Variants in ZNF496 observed in about 807,000 individuals in gnomAD.
ZNF496 encodes NSD1 (nuclear receptor binding SET-domain containing 1)-interacting zinc finger protein 1.
Under a neutral mutation model 58.9 loss-of-function variants are expected in ZNF496, and 11 were observed. That is an observed-to-expected ratio of 0.19 (90% CI 0.12 to 0.31). The LOEUF is 0.31. Among genes scored for constraint, ZNF496 ranks in the 10% least tolerant of loss-of-function variants. The pLI is 1.00. For missense variants in ZNF496, 660 were observed against 783.0 expected, an observed-to-expected ratio of 0.84 and a Z score of 1.88; for synonymous variants, 338 against 318.2, an observed-to-expected ratio of 1.06 and a Z score of -0.66.
intron 6 of ZNF496, among the ~76,000 whole-genome samples, chr1:247,316,566 C>A (rs1373538092): frequency 6.6e-6 from 1 of 152,154 alleles, no homozygotes; most frequent in African/African-American, 2.4e-5. Flanking sequence ...ACAGAGCCCC[C>A]ACCAGCACGA....
In ZNF496 at chr1:247,300,357, G is replaced by A. The variant is rs564634640; in HGVS notation, c.*162C>T. ...TCTTTCATTACCTGGGGGAGGGAGAGTGCTCCCATGGCACCACCCGAACGC... is the reference window on the plus strand; with the variant it reads ...TCTTTCATTACCTGGGGGAGGGAGAATGCTCCCATGGCACCACCCGAACGC... On this transcript the variant is annotated 3_prime_UTR_variant, in exon 10 of 10. Transcript: ENST00000682384. The surrounding 1 kb of genome is among the most constrained non-coding windows in gnomAD (Gnocchi z 5.7). 2 of 652,024 alleles carry A rather than the reference G, an allele frequency of 3.1e-6. No homozygotes were observed. Among genetic ancestry groups the A allele is most frequent in the Admixed American group, 3.2e-5 (1 of 30,874 alleles). 40.4% of individuals were successfully genotyped at this position (652,024 alleles called of 1,614,324 possible).
At chr1:247,307,441 G>A in intron 9 of ZNF496, 3 of 985,408 alleles carry the variant, frequency 3.0e-6, no homozygotes, top group Non-Finnish European at 3.6e-6. Context: ...TGAGAGACAT[G>A]CTATGGGCAG....
In ZNF496 at chr1:247,301,219, A is replaced by T; in HGVS notation, c.1064T>A (p.Ile355Asn). 1 of 1,541,936 alleles carries T rather than the reference A, an allele frequency of 6.5e-7. No homozygotes were observed. The highest frequency in any genetic ancestry group is 8.7e-7 in the Non-Finnish European group (1 of 1,145,280). Residue 355 changes from isoleucine (I) to asparagine (N), a missense_variant, in exon 10 of 10, where the codon ATC becomes AAC. Ile to Asn is a moderately radical substitution (Grantham distance 149, BLOSUM62 -3). Coordinates refer to ENST00000682384, the MANE Select transcript of ZNF496 (RefSeq NM_032752.3). The stretch of plus-strand genomic sequence containing the variant: ...CTCGTCCCCAGAGCTGGAGAGAACG[A>T]TCTCGATGGTCACTTCTTCATCCAG... ...NSLDEEVTIE[I>N]VLSSSGDEDS...
At chr1:247,316,580 C>T (rs986134018) in intron 6 of ZNF496, among the ~76,000 whole-genome samples, 4 of 152,172 alleles carry the variant, frequency 2.6e-5, no homozygotes, top group African/African-American at 9.7e-5. Flanking sequence ...AGCACGAACG[C>T]TCTCACCAGA....
At chr1:247,315,683 G>C (rs1399518319) in intron 6 of ZNF496, among the ~76,000 whole-genome samples, 2 of 152,122 alleles carry the variant, frequency 1.3e-5, no homozygotes, top group African/African-American at 2.4e-5. Flanking sequence ...GTGAAGGAAA[G>C]GGTATTTGGA....
chr1:247,300,858 G>A lies in ZNF496; in HGVS notation c.1425C>T (p.Asn475=), dbSNP rs1659216049. The part of the protein sequence containing the change: ...CGACGKSFRL[N]SHLLSHRRIH... Reference sequence around the variant, plus strand: ...TCCGCCGGTGGGAGAGCAGGTGGGAGTTCAGGCGGAAGCTCTTCCCGCAGG... The same window carrying A: ...TCCGCCGGTGGGAGAGCAGGTGGGAATTCAGGCGGAAGCTCTTCCCGCAGG... The change falls in exon 10 of 10, where the codon AAC becomes AAT. Residue 475 remains asparagine, a synonymous_variant. Transcript: ENST00000682384. The surrounding 1 kb of genome is among the most constrained non-coding windows in gnomAD (Gnocchi z 5.7). 2.5e-6 allele frequency: 4 copies of A among 1,610,856 alleles called. No individual in the cohort carries two copies. The African/African-American group carries it at 5.3e-5, about 22-fold the overall frequency.
intron 6 of ZNF496, among the ~76,000 whole-genome samples, chr1:247,320,638 G>T (rs1176026282): frequency 2.0e-5 from 3 of 152,200 alleles, no homozygotes; most frequent in East Asian, 3.9e-4. Flanking sequence ...TTTTACTATT[G>T]AGGGTTTAAA....
Position 247,329,671 on chromosome 1 carries a change from T to C in ZNF496, c.-37-56A>G, listed in dbSNP as rs905348234. 22 of 1,464,426 alleles carry C rather than the reference T, an allele frequency of 1.5e-5. No homozygotes were observed. The highest frequency in any genetic ancestry group is 2.8e-5 in the African/African-American group (2 of 70,604). The allele number at this position is 1,464,426 out of a possible 1,614,324, so 90.7% of individuals were successfully genotyped here. Reference sequence around the variant, plus strand: ...TGTTCTGGTCTCCTGTGGTCATTTCTGGGGGACAGTGACAAGGAAACTGTC... The same window carrying C: ...TGTTCTGGTCTCCTGTGGTCATTTCCGGGGGACAGTGACAAGGAAACTGTC... On this transcript the variant is annotated intron_variant, in intron 3 of 9. Coordinates refer to ENST00000682384, the MANE Select transcript of ZNF496 (RefSeq NM_032752.3). This position sits in a 1 kb window ranked among gnomAD's most constrained non-coding sequence, Gnocchi z 5.5.
intron 9 of ZNF496, among the ~76,000 whole-genome samples, chr1:247,305,683 CT>C (rs1659384627): frequency 6.6e-6 from 1 of 152,224 alleles, no homozygotes; most frequent in Admixed American, 6.5e-5. Flanking sequence ...TTATTAAAAA[CT>C]GTAAAATATT....
intron 6 of ZNF496, among the ~76,000 whole-genome samples, chr1:247,320,321 C>T (rs1474657462): frequency 6.6e-6 from 1 of 152,198 alleles, no homozygotes; most frequent in Non-Finnish European, 1.5e-5. Flanking sequence ...TAGTAACACG[C>T]AACAACCTGA....
At chr1:247,324,390 A>G (rs1660057533) in intron 5 of ZNF496, among the ~76,000 whole-genome samples, 1 of 152,228 alleles carries the variant, frequency 6.6e-6, no homozygotes, top group African/African-American at 2.4e-5. Context: ...CAGGAGTCCT[A>G]TTGCACAACA....
chr1:247,328,689 C>A lies in ZNF496; in HGVS notation c.568G>T (p.Asp190Tyr). Residue 190 changes from aspartate (D) to tyrosine (Y), a missense_variant, in exon 5 of 10, where the codon GAC (aspartate) becomes TAC (tyrosine). Coordinates refer to ENST00000682384, the MANE Select transcript of ZNF496 (RefSeq NM_032752.3). ...ACTCCCCTGGGCTGCATACCTGGGTCCCCGCTGAGCTGGCTTGGTGGTCTG... is the reference window on the plus strand; with the variant it reads ...ACTCCCCTGGGCTGCATACCTGGGTACCCGCTGAGCTGGCTTGGTGGTCTG... ...PSRPPSQLSG[D>Y]PVLQDAFLLQ... The A allele has an allele frequency of 1.9e-6, 3 of 1,584,702 alleles. No homozygotes were observed. The highest frequency in any genetic ancestry group is 2.6e-6 in the Non-Finnish European group (3 of 1,165,374).
chr1:247,323,154 C>A lies in ZNF496; in HGVS notation c.651G>T (p.Pro217=). ...AAGGACTCCTGTAGAAACCACTCAC[C>A]GGGGGTAGCTGGAGGGTGGTCACCT... The part of the protein sequence containing the change: ...TQQVTTLQLP[P]SRVSPFKDMI... The change falls in exon 6 of 10, where the codon CCG becomes CCT. Residue 217 remains proline, a splice_region_variant and synonymous_variant. Coordinates refer to ENST00000682384, the MANE Select transcript of ZNF496 (RefSeq NM_032752.3). 1.9e-6 allele frequency: 3 copies of A among 1,613,282 alleles called. No homozygotes were observed. The highest frequency in any genetic ancestry group is 2.5e-6 in the Non-Finnish European group (3 of 1,179,416).
Position 247,329,589 on chromosome 1 carries a change from G to A in ZNF496, c.-11C>T. The A allele has an allele frequency of 6.5e-7, 1 of 1,537,038 alleles. No individual in the cohort carries two copies. Among genetic ancestry groups the A allele is most frequent in the Non-Finnish European group, 8.7e-7 (1 of 1,147,602 alleles). The stretch of plus-strand genomic sequence containing the variant: ...CAGGGCTGTGGGCATGATGGGATTT[G>A]ATGGGGGTCAGCAGCAGAAGACGAC... On this transcript the variant is annotated 5_prime_UTR_variant, in exon 4 of 10. Coordinates refer to ENST00000682384, the MANE Select transcript of ZNF496 (RefSeq NM_032752.3). The surrounding 1 kb of genome is among the most constrained non-coding windows in gnomAD (Gnocchi z 5.5).
At chr1:247,320,556 T>A (rs1558155728) in intron 6 of ZNF496, among the ~76,000 whole-genome samples, 1 of 152,192 alleles carries the variant, frequency 6.6e-6, no homozygotes, top group Non-Finnish European at 1.5e-5. Flanking sequence ...TTCTCTATCT[T>A]GCATGTATCA....
intron 9 of ZNF496, among the ~76,000 whole-genome samples, chr1:247,303,588 G>T (rs572677982): frequency 2.8e-4 from 43 of 152,328 alleles, no homozygotes; most frequent in African/African-American, 9.9e-4. Flanking sequence ...AAGTGGCAAA[G>T]AATTTGGCCA....
intron 6 of ZNF496, among the ~76,000 whole-genome samples, chr1:247,316,886 G>A (rs1273379770): frequency 1.3e-5 from 2 of 152,032 alleles, no homozygotes; most frequent in African/African-American, 2.4e-5. Flanking sequence ...GATCTACAGC[G>A]GGATCCTTTT....
At chr1:247,307,780 A>G in intron 9 of ZNF496, 1 of 985,380 alleles carries the variant, frequency 1.0e-6, no homozygotes, top group Non-Finnish European at 1.2e-6. Flanking sequence ...CTACAATGAC[A>G]CGTGGGTTCA....
At position 247,308,327 on chromosome 1, in the gene ZNF496, C is replaced by T. The variant is rs999527527; in HGVS notation, c.1006+148G>A. 9.4e-6 allele frequency: 7 copies of T among 745,358 alleles called. No individual in the cohort carries two copies. The highest frequency in any genetic ancestry group is 1.4e-5 in the Non-Finnish European group (6 of 435,508). 46.2% of individuals were successfully genotyped at this position (745,358 alleles called of 1,614,324 possible). Reference sequence around the variant, plus strand: ...GCACCCATGAATGCACACACTCACACATGCAGCACACCACATATACCACAT... The same window carrying T: ...GCACCCATGAATGCACACACTCACATATGCAGCACACCACATATACCACAT... On this transcript the variant is annotated intron_variant, in intron 9 of 9. Coordinates refer to ENST00000682384, the MANE Select transcript of ZNF496 (RefSeq NM_032752.3). This position sits in a 1 kb window ranked among gnomAD's most constrained non-coding sequence, Gnocchi z 4.5.
Sources: gnomAD v4.1 joint callset for allele counts (sites outside exome capture counted in the v4.1 genomes callset) on GRCh38, gnomAD v4.1.1 for gene constraint, Gnocchi (gnomAD v3.1) non-coding constraint, MANE v1.5 for transcripts, NCBI Gene and HGNC (gene_info 2026-07-23, HGNC 2026-07-21) for gene names.